EIF4G3: variants seen among roughly 807,000 people sequenced by gnomAD.
EIF4G3 encodes the protein eukaryotic translation initiation factor 4 gamma 3, also known as eIF-4-gamma 3.
Under a neutral mutation model 186.4 loss-of-function variants are expected in EIF4G3, and 34 were observed. That is an observed-to-expected ratio of 0.18 (90% CI 0.14 to 0.24). EIF4G3 has a LOEUF of 0.24. Among genes scored for constraint, EIF4G3 ranks in the 10% least tolerant of loss-of-function variants. The pLI is 1.00. For missense variants in EIF4G3, 1,536 were observed against 1,948.5 expected (o/e 0.79, Z 3.99); for synonymous variants, 673 against 679.5 (o/e 0.99, Z 0.15).
chr1:21,131,187 T>C lies in EIF4G3; in HGVS notation c.-271-41974A>G, dbSNP rs541117412. On this transcript the variant is annotated intron_variant, in intron 2 of 36. Coordinates refer to ENST00000602326, the MANE Select transcript of EIF4G3 (RefSeq NM_001391906.1). The stretch of plus-strand genomic sequence containing the variant: ...CCCAGGAGATGGAGATTGCAGTGAG[T>C]CAAGATCATGCCACTACACTCCAGC... Among the ~76,000 whole-genome samples the C allele has an allele frequency of 2.1e-5, 3 of 145,158 alleles. No individual in the cohort carries two copies. The East Asian group carries it at 6.1e-4, about 29-fold the overall frequency.
At chr1:20,983,499 G>C (rs564038536) in intron 7 of EIF4G3, among the ~76,000 whole-genome samples, 1 of 152,264 alleles carries the variant, frequency 6.6e-6, no homozygotes, top group South Asian at 2.1e-4. Flanking sequence ...AAAGCAAACA[G>C]AATCTATCAT....
Position 20,893,524 on chromosome 1 carries a change from C to A in EIF4G3, c.2246G>T (p.Gly749Val). 6.3e-7 allele frequency: 1 copy of A among 1,598,760 alleles called. No individual in the cohort carries two copies. Among genetic ancestry groups the A allele is most frequent in the South Asian group, 1.1e-5 (1 of 89,754 alleles). Reference protein sequence around the residue: ...DFGRQTPGGRGVPLLNVGSRR... With the variant: ...DFGRQTPGGRVVPLLNVGSRR... ...TAGGGAACTTGCACTTACAGGTACG[C>A]CTCTTCCACCAGGTGTCTGCCTTCC... The change falls in exon 18 of 37, where the codon GGC (glycine) becomes GTC (valine). Residue 749 changes from glycine (G) to valine (V), a missense_variant. Transcript: ENST00000602326.
At chr1:20,908,430 C>T (rs4654887) in intron 14 of EIF4G3, among the ~76,000 whole-genome samples, 58,608 of 151,890 alleles carry the variant, frequency 0.39, 11,632 homozygotes, top group Non-Finnish European at 0.41. Flanking sequence ...GGGAGATTCT[C>T]TGTCTTCTCT....
At chr1:21,091,930 A>G (rs1232314961) in intron 2 of EIF4G3, among the ~76,000 whole-genome samples, 1 of 152,198 alleles carries the variant, frequency 6.6e-6, no homozygotes, top group Admixed American at 6.5e-5. Context: ...CAATCACGTC[A>G]TCTGCAAACA....
chr1:20,940,697 T>C (rs2095680601), intron 14 of EIF4G3, among the ~76,000 whole-genome samples: 1 of 152,216 alleles, frequency 6.6e-6, no homozygotes, highest in African/African-American at 2.4e-5. Context: ...TTGCAGAAGA[T>C]AGGCTGTGCT....
At chr1:20,895,886 T>TA (rs1363402646) in intron 16 of EIF4G3, among the ~76,000 whole-genome samples, 1 of 152,136 alleles carries the variant, frequency 6.6e-6, no homozygotes, top group Non-Finnish European at 1.5e-5. Flanking sequence ...TTCTATTTAT[T>TA]AAAAAAAGTT....
At chr1:21,077,482 A>G (rs1433975427) in intron 3 of EIF4G3, among the ~76,000 whole-genome samples, 1 of 152,044 alleles carries the variant, frequency 6.6e-6, no homozygotes, top group Non-Finnish European at 1.5e-5. Context: ...GCTGACAAGT[A>G]TATGAAAAGT....
At chr1:20,949,947 G>A in intron 13 of EIF4G3, 56 bp downstream of exon 13, 1 of 1,399,622 alleles carries the variant, frequency 7.1e-7, no homozygotes, top group Non-Finnish European at 1.0e-6. Context: ...TGACGGCAAT[G>A]TAATTAATAA....
intron 27 of EIF4G3, among the ~76,000 whole-genome samples, chr1:20,852,080 CTT>C (rs1232593160): frequency 3.9e-5 from 6 of 152,152 alleles, no homozygotes; most frequent in Non-Finnish European, 8.8e-5. Flanking sequence ...GAGTTTTACT[CTT>C]GTTGCCCAGG....
chr1:21,055,787 AT>A (rs1180403687), intron 3 of EIF4G3, among the ~76,000 whole-genome samples: 1 of 152,186 alleles, frequency 6.6e-6, no homozygotes, highest in East Asian at 1.9e-4. Flanking sequence ...TACATAAAAA[AT>A]ATAAACCTGT....
chr1:20,840,822 G>A, intron 30 of EIF4G3, 34 bp downstream of exon 30: 1 of 1,598,598 alleles, frequency 6.3e-7, no homozygotes, highest in South Asian at 1.1e-5. Flanking sequence ...CAAGAGCCTA[G>A]TAACTGAATA....
chr1:20,969,355 C>A (rs760303101), intron 12 of EIF4G3, 119 bp downstream of exon 12: 8 of 1,197,186 alleles, frequency 6.7e-6, no homozygotes, highest in African/African-American at 6.1e-5. Flanking sequence ...TTTAGATATT[C>A]GAGGCTGCGA....
chr1:20,862,353 A>G, intron 22 of EIF4G3, 21 bp from the exon 23 acceptor site: 2 of 1,382,036 alleles, frequency 1.4e-6, no homozygotes, highest in Non-Finnish European at 2.0e-6. Flanking sequence ...CAAAATCATT[A>G]GTACTCCTGT....
At chr1:21,023,231 CTCCCCCTCCCCT>C (rs2091186013) in intron 4 of EIF4G3, among the ~76,000 whole-genome samples, 2 of 36,994 alleles carry the variant, frequency 5.4e-5, no homozygotes, top group Admixed American at 3.6e-4. Flanking sequence ...CTCCCTCTCC[CTCCCCCTCCCCT>C]CCCCCTCCCC....
chr1:21,096,268 T>C (rs568544424), intron 2 of EIF4G3, among the ~76,000 whole-genome samples: 107 of 152,314 alleles, frequency 7.0e-4, no homozygotes, highest in African/African-American at 2.4e-3. Flanking sequence ...GAAGCCATGA[T>C]CTTATGTGAA....
intron 2 of EIF4G3, chr1:21,111,183 A>G (rs2096719406): frequency 2.6e-6 from 1 of 379,102 alleles, no homozygotes; most frequent in South Asian, 2.0e-5. Flanking sequence ...ACATTTCAGG[A>G]CAAAATGAAC....
At chr1:20,895,000 A>G (rs900747203) in intron 17 of EIF4G3, among the ~76,000 whole-genome samples, 11 of 152,170 alleles carry the variant, frequency 7.2e-5, no homozygotes, top group Admixed American at 6.6e-4. Context: ...ACCTGTCTTC[A>G]ATGCCAATAG....
At chr1:20,849,046 CAAAAAAAAAAAAAAAAA>C (rs60344352) in intron 29 of EIF4G3, among the ~76,000 whole-genome samples, 43 of 17,402 alleles carry the variant, frequency 2.5e-3, no homozygotes, top group Middle Eastern at 0.031. Context: ...GACTCTGTCT[CAAAAAAAAAAAAAAAAA>C]AAAAAAAAAA....
chr1:21,038,419 C>T lies in EIF4G3; in HGVS notation c.-67+12447G>A, dbSNP rs542483599. Among the ~76,000 whole-genome samples the T allele has an allele frequency of 1.4e-4, 22 of 152,272 alleles. No homozygotes were observed. The East Asian group carries it at 4.1e-3, about 28-fold the overall frequency. On this transcript the variant is annotated intron_variant, in intron 4 of 36. Transcript: ENST00000602326. The stretch of plus-strand genomic sequence containing the variant: ...ACTTCAATGGCTGCTATTTAGGACC[C>T]TCTCTGGACCTACTACTGATAGCCA...
Sources: gnomAD v4.1 joint callset for allele counts (sites outside exome capture counted in the v4.1 genomes callset) on GRCh38, gnomAD v4.1.1 for gene constraint, MANE v1.5 for transcripts, NCBI Gene and HGNC (gene_info 2026-07-23, HGNC 2026-07-21) for gene names.